Variants in SOS1 observed in about 807,000 individuals in gnomAD.
SOS1 encodes son of sevenless homolog 1.
Under a neutral mutation model 157.6 loss-of-function variants are expected in SOS1, and 25 were observed. That is an observed-to-expected ratio of 0.16 (90% CI 0.12 to 0.22). SOS1 has a LOEUF of 0.22. Ranked by LOEUF, SOS1 falls within the 10% of genes least tolerant of loss-of-function variation. SOS1 has a pLI of 1.00. For missense variants in SOS1, 1,237 were observed against 1,599.1 expected (o/e 0.77, Z 3.86); for synonymous variants, 528 against 534.0 (o/e 0.99, Z 0.16).
At chr2:39,031,241 C>T (rs899441448) in intron 8 of SOS1, among the ~76,000 whole-genome samples, 1 of 152,138 alleles carries the variant, frequency 6.6e-6, no homozygotes, top group Non-Finnish European at 1.5e-5. Flanking sequence ...TTACTTTCCC[C>T]TAGGTTACAA....
At chr2:39,034,729 C>A (rs1434031456) in intron 8 of SOS1, 5 of 450,706 alleles carry the variant, frequency 1.1e-5, no homozygotes, top group Non-Finnish European at 2.2e-5. Context: ...CAGTTTAATA[C>A]AGATAGTTGC....
At chr2:39,101,950 G>A (rs1172506392) in intron 1 of SOS1, among the ~76,000 whole-genome samples, 7 of 152,082 alleles carry the variant, frequency 4.6e-5, no homozygotes, top group Non-Finnish European at 4.4e-5. Context: ...GCTCATGCCT[G>A]TAATCCCAGC....
chr2:39,003,392 C>G (rs1005595987), intron 17 of SOS1, among the ~76,000 whole-genome samples: 9 of 152,118 alleles, frequency 5.9e-5, no homozygotes, highest in Non-Finnish European at 1.0e-4. Context: ...TTTATCCCCG[C>G]TAAAACTGAG....
intron 10 of SOS1, among the ~76,000 whole-genome samples, chr2:39,019,667 T>C (rs1004448163): frequency 5.3e-5 from 8 of 151,612 alleles, no homozygotes; most frequent in African/African-American, 1.9e-4. Flanking sequence ...AAATTTAAAT[T>C]TTTCTTTCCA....
chr2:39,016,817 C>T (rs2124524242), intron 10 of SOS1, among the ~76,000 whole-genome samples: 1 of 152,158 alleles, frequency 6.6e-6, no homozygotes, highest in Non-Finnish European at 1.5e-5. Context: ...TGAGGGACAT[C>T]AAGAGGAATT....
intron 1 of SOS1, among the ~76,000 whole-genome samples, chr2:39,107,086 T>A (rs1011191666): frequency 6.6e-6 from 1 of 152,196 alleles, no homozygotes; most frequent in Non-Finnish European, 1.5e-5. Flanking sequence ...GCATCCTTTT[T>A]TTTTTCTTTT....
In SOS1 at chr2:39,118,924, C is replaced by T. The variant is rs570900984; in HGVS notation, c.87+1412G>A. 1.8e-3 allele frequency among the ~76,000 whole-genome samples: 280 copies of T among 152,316 alleles called. 5 individuals carry two copies. In the South Asian group the frequency reaches 0.026, roughly 14 times the overall value. On this transcript the variant is annotated intron_variant, in intron 1 of 22. Transcript: ENST00000402219. ...TGCTTCAAAGGATCCTCAGCTGATA[C>T]CTTGGTGATTCCCCTGGGAAAGGAG... is the stretch of plus-strand genomic sequence containing the variant.
chr2:39,046,450 C>T (rs1405748363), intron 6 of SOS1, among the ~76,000 whole-genome samples: 1 of 151,618 alleles, frequency 6.6e-6, no homozygotes, highest in African/African-American at 2.4e-5. Context: ...AATTTATCAA[C>T]ACACTTTCTA....
chr2:39,026,990 A>G (rs1669985252), intron 8 of SOS1, among the ~76,000 whole-genome samples: 1 of 152,222 alleles, frequency 6.6e-6, no homozygotes, highest in Admixed American at 6.5e-5. Context: ...TGAACGATGA[A>G]TTAGTTCACT....
chr2:38,991,317 G>C (rs9679498), intron 20 of SOS1, among the ~76,000 whole-genome samples: 143,564 of 152,272 alleles, frequency 0.94, 67,774 homozygotes, highest in African/African-American at 0.98. Context: ...ATCACCTACA[G>C]CAATCTTCCA....
intron 8 of SOS1, among the ~76,000 whole-genome samples, chr2:39,026,220 T>A (rs1669955805): frequency 6.6e-6 from 1 of 152,036 alleles, no homozygotes; most frequent in African/African-American, 2.4e-5. Context: ...CTGGGTGTGG[T>A]GGCACACGCC....
At chr2:39,055,032 GTTC>G (rs1299152801) in intron 4 of SOS1, among the ~76,000 whole-genome samples, 5 of 152,068 alleles carry the variant, frequency 3.3e-5, no homozygotes, top group African/African-American at 1.2e-4. Context: ...ACTCCTCCAA[GTTC>G]TCTATCACTA....
At chr2:39,067,284 G>A (rs1671620590) in intron 2 of SOS1, among the ~76,000 whole-genome samples, 1 of 152,094 alleles carries the variant, frequency 6.6e-6, no homozygotes, top group African/African-American at 2.4e-5. Context: ...AAAGTGCTGG[G>A]ATTACAGGCT....
chr2:39,042,742 G>T (rs2124578744), intron 6 of SOS1, among the ~76,000 whole-genome samples: 1 of 146,324 alleles, frequency 6.8e-6, no homozygotes, highest in African/African-American at 2.6e-5. Context: ...TAAAAACAAA[G>T]GTCCTGTGTA....
chr2:39,093,283 G>C (rs1407319816), intron 1 of SOS1, among the ~76,000 whole-genome samples: 2 of 152,066 alleles, frequency 1.3e-5, no homozygotes, highest in Admixed American at 1.3e-4. Context: ...TCATCTATGT[G>C]GTTAGTTCTT....
chr2:39,112,429 C>T (rs1160287022), intron 1 of SOS1, among the ~76,000 whole-genome samples: 7 of 152,176 alleles, frequency 4.6e-5, no homozygotes, highest in African/African-American at 1.4e-4. Context: ...TCCCAAGTGG[C>T]TGGGACTACA....
intron 20 of SOS1, chr2:38,992,189 T>A (rs1211260543): frequency 2.0e-5 from 3 of 152,292 alleles, no homozygotes; most frequent in East Asian, 3.9e-4. Context: ...ATCTGTTAGT[T>A]AGGCAAAAGT....
At position 39,115,406 on chromosome 2, in the gene SOS1, CTTTTTTTTTTT is replaced by C. The variant is rs550526461; in HGVS notation, c.87+4919_87+4929del. 2.2e-3 allele frequency among the ~76,000 whole-genome samples: 138 copies of C among 64,064 alleles called. 2 individuals carry two copies. The highest frequency in any genetic ancestry group is 8.0e-3 in the African/African-American group (118 of 14,800). The allele number at this position is 64,064 out of a possible 152,430, so 42.0% of individuals were successfully genotyped here. ...CATTTGTATCAAATTTGTTCTCTCT[CTTTTTTTTTTT>C]TTTTTTTTTTTTTTTGAGACAGGGT... is the stretch of plus-strand genomic sequence containing the variant. On this transcript the variant is annotated intron_variant, in intron 1 of 22. Coordinates refer to ENST00000402219, the MANE Select transcript of SOS1 (RefSeq NM_005633.4).
intron 2 of SOS1, among the ~76,000 whole-genome samples, chr2:39,063,610 T>C (rs1431974857): frequency 6.6e-6 from 1 of 152,208 alleles, no homozygotes; most frequent in Non-Finnish European, 1.5e-5. Flanking sequence ...TGATAATCTG[T>C]AGTACAATTT....
Sources: gnomAD v4.1 joint callset for allele counts (sites outside exome capture counted in the v4.1 genomes callset) on GRCh38, gnomAD v4.1.1 for gene constraint, MANE v1.5 for transcripts, NCBI Gene and HGNC (gene_info 2026-07-23, HGNC 2026-07-21) for gene names.